IL3: variants seen among roughly 807,000 people sequenced by gnomAD.
IL3 encodes the protein interleukin-3.
A neutral mutation model predicts 15.4 loss-of-function variants in IL3; 15 were observed. That is an observed-to-expected ratio of 0.97 (90% confidence interval 0.65 to 1.50). IL3 has a LOEUF of 1.50. Ranked by LOEUF, IL3 falls within the 40% of genes most tolerant of loss-of-function variation. The pLI is 0.00. For missense variants in IL3, 162 were observed against 192.2 expected (o/e 0.84, Z 0.93); for synonymous variants, 74 against 79.3 (o/e 0.93, Z 0.36).
chr5:132,060,726 T>A lies in IL3; in HGVS notation c.20T>A (p.Leu7Gln). 4 of 1,613,524 alleles carry A rather than the reference T, an allele frequency of 2.5e-6. No individual in the cohort carries two copies. Among genetic ancestry groups the A allele is most frequent in the Non-Finnish European group, 3.4e-6 (4 of 1,180,008 alleles). The part of the protein sequence containing the change: MSRLPV[L>Q]LLLQLLVRPG... ...CCAAACATGAGCCGCCTGCCCGTCC[T>A]GCTCCTGCTCCAACTCCTGGTCCGC... is the stretch of plus-strand genomic sequence containing the variant. Residue 7 changes from leucine to glutamine, a missense_variant, in exon 1 of 5, where the codon CTG becomes CAG. Leu to Gln is a moderately radical substitution (Grantham distance 113, BLOSUM62 -2). Coordinates refer to ENST00000296870, the MANE Select transcript of IL3 (RefSeq NM_000588.4).
rs771055164 is a variant in IL3, at chr5:132,060,865, G to T, written c.159G>T (p.Leu53Phe). Residue 53 changes from leucine (L) to phenylalanine (F), a missense_variant, in exon 1 of 5, where the codon TTG becomes TTT. Leu to Phe is a conservative substitution (Grantham distance 22). Coordinates refer to ENST00000296870, the MANE Select transcript of IL3 (RefSeq NM_000588.4). ...ACTTAAAGCAGCCACCTTTGCCTTT[G>T]CTGGTGAGTAGCTTGGATAAGACTG... is the stretch of plus-strand genomic sequence containing the variant. ...ITHLKQPPLP[L>F]LDFNNLNGED... is the part of the protein sequence containing the mutation. The T allele has an allele frequency of 5.1e-5, 82 of 1,613,884 alleles. No individual in the cohort carries two copies. Among genetic ancestry groups the T allele is most frequent in the Non-Finnish European group, 6.6e-5 (78 of 1,179,848 alleles).
rs1756508810 is a variant in IL3, at chr5:132,062,946, T to C, written c.*155T>C. Reference sequence around the variant, plus strand: ...GCGGCATCAGATGAATTGTTAATTATCTAATTTCTGAAATGTGCAGCTCCC... The same window carrying C: ...GCGGCATCAGATGAATTGTTAATTACCTAATTTCTGAAATGTGCAGCTCCC... On this transcript the variant is annotated 3_prime_UTR_variant, in exon 5 of 5. Transcript: ENST00000296870. The C allele has an allele frequency of 1.9e-6, 2 of 1,053,454 alleles. No homozygotes were observed. The highest frequency in any genetic ancestry group is 5.2e-5 in the East Asian group (2 of 38,398). The allele number at this position is 1,053,454 out of a possible 1,614,324, so 65.3% of individuals were successfully genotyped here. A position where few individuals can be genotyped will look rare whatever the true frequency, so the allele number is the denominator to read the frequency against.
At position 132,062,779 on chromosome 5, in the gene IL3, C is replaced by A; in HGVS notation, c.447C>A (p.Leu149=). The change falls in exon 5 of 5, where the codon CTC becomes CTA. Residue 149 remains leucine, a synonymous_variant. Coordinates refer to ENST00000296870, the MANE Select transcript of IL3 (RefSeq NM_000588.4). The part of the protein sequence containing the change: ...NAQAQQTTLS[L]AIF ...AGGCTCAACAGACGACTTTGAGCCT[C>A]GCGATCTTTTGAGTCCAACGTCCAG... The A allele has an allele frequency of 6.2e-7, 1 of 1,613,358 alleles. No individual in the cohort carries two copies. The highest frequency in any genetic ancestry group is 1.1e-5 in the South Asian group (1 of 91,054).
At chr5:132,061,935 T>G (rs1756486200) in intron 2 of IL3, among the ~76,000 whole-genome samples, 2 of 152,166 alleles carry the variant, frequency 1.3e-5, no homozygotes, top group Non-Finnish European at 2.9e-5. Context: ...CTCCCATTTT[T>G]GTATTTTTAG....
At chr5:132,061,038 AC>A in intron 2 of IL3, 30 bp downstream of exon 2, 1 of 1,610,028 alleles carries the variant, frequency 6.2e-7, no homozygotes, top group Non-Finnish European at 8.5e-7. Flanking sequence ...ATCCCGATCC[AC>A]TTCCTGCCTG....
intron 2 of IL3, 28 bp downstream of exon 2, chr5:132,061,036 C>A: frequency 6.2e-7 from 1 of 1,609,610 alleles, no homozygotes. Flanking sequence ...GGATCCCGAT[C>A]CACTTCCTGC....
chr5:132,062,635 C>A (rs888626974), intron 4 of IL3, 34 bp from the exon 5 acceptor site: 4 of 1,613,354 alleles, frequency 2.5e-6, no homozygotes, highest in African/African-American at 2.7e-5. Flanking sequence ...ACAGCCTGGA[C>A]TCACCTAATG....
chr5:132,062,270 T>C (rs747764097), intron 2 of IL3, 42 bp from the exon 3 acceptor site: 2 of 1,474,986 alleles, frequency 1.4e-6, no homozygotes, highest in East Asian at 2.3e-5. Context: ...GGAGGGATAC[T>C]CTGTAACCTT....
Position 132,060,698 on chromosome 5 carries a change from G to T in IL3, c.-9G>T. The T allele has an allele frequency of 6.2e-7, 1 of 1,612,500 alleles. No individual in the cohort carries two copies. The highest frequency in any genetic ancestry group is 8.5e-7 in the Non-Finnish European group (1 of 1,179,994). ...AGAACAAGACAGAGTGCCTCCTGCCGATCCAAACATGAGCCGCCTGCCCGT... is the reference window on the plus strand; with the variant it reads ...AGAACAAGACAGAGTGCCTCCTGCCTATCCAAACATGAGCCGCCTGCCCGT... On this transcript the variant is annotated 5_prime_UTR_variant, in exon 1 of 5. Transcript: ENST00000296870.
chr5:132,060,902 T>G lies in IL3; in HGVS notation c.162+34T>G, dbSNP rs543587137. The G allele has an allele frequency of 1.1e-4, 170 of 1,610,994 alleles. 3 individuals are homozygous for G. The South Asian group carries it at 1.8e-3, about 17-fold the overall frequency. On this transcript the variant is annotated intron_variant, in intron 1 of 4. Coordinates refer to ENST00000296870, the MANE Select transcript of IL3 (RefSeq NM_000588.4). ...CTTGGATAAGACTGGCCTGCAGCAG[T>G]GAGGGGTGGTGGCTGCCTAAGGCCA... is the stretch of plus-strand genomic sequence containing the variant.
chr5:132,060,881 G>A lies in IL3; in HGVS notation c.162+13G>A. ...TTTGCCTTTGCTGGTGAGTAGCTTGGATAAGACTGGCCTGCAGCAGTGAGG... is the reference window on the plus strand; with the variant it reads ...TTTGCCTTTGCTGGTGAGTAGCTTGAATAAGACTGGCCTGCAGCAGTGAGG... On this transcript the variant is annotated intron_variant, in intron 1 of 4. Coordinates refer to ENST00000296870, the MANE Select transcript of IL3 (RefSeq NM_000588.4). 1 of 1,613,094 alleles carries A rather than the reference G, an allele frequency of 6.2e-7. No individual in the cohort carries two copies. The highest frequency in any genetic ancestry group is 8.5e-7 in the Non-Finnish European group (1 of 1,178,998).
Position 132,062,797 on chromosome 5 carries a change from A to C in IL3, c.*6A>C. 1 of 1,612,270 alleles carries C rather than the reference A, an allele frequency of 6.2e-7. No homozygotes were observed. Among genetic ancestry groups the C allele is most frequent in the Non-Finnish European group, 8.5e-7 (1 of 1,178,596 alleles). Reference sequence around the variant, plus strand: ...TGAGCCTCGCGATCTTTTGAGTCCAACGTCCAGCTCGTTCTCTGGGCCTTC... The same window carrying C: ...TGAGCCTCGCGATCTTTTGAGTCCACCGTCCAGCTCGTTCTCTGGGCCTTC... On this transcript the variant is annotated 3_prime_UTR_variant, in exon 5 of 5. Coordinates refer to ENST00000296870, the MANE Select transcript of IL3 (RefSeq NM_000588.4).
rs1305721098 is a variant in IL3 at position 132,062,772 on chromosome 5, T to G, written c.440T>G (p.Leu147Trp). The G allele has an allele frequency of 1.2e-6, 2 of 1,613,894 alleles. No homozygotes were observed. Among genetic ancestry groups the G allele is most frequent in the Admixed American group, 1.7e-5 (1 of 60,030 alleles). ...AATGCGCAGGCTCAACAGACGACTT[T>G]GAGCCTCGCGATCTTTTGAGTCCAA... The part of the protein sequence containing the change: ...LENAQAQQTT[L>W]SLAIF The change falls in exon 5 of 5, where the codon TTG becomes TGG. Residue 147 changes from leucine (L) to tryptophan (W), a missense_variant. Physicochemically the swap from Leu to Trp is moderately conservative, Grantham distance 61. Transcript: ENST00000296870.
In IL3 at chr5:132,062,712, G is replaced by A. The variant is rs773788934; in HGVS notation, c.380G>A (p.Arg127Gln). ...HIKDGDWNEF[R>Q]RKLTFYLKTL... ...AAGGACGGTGACTGGAATGAATTCC[G>A]GAGGAAACTGACGTTCTATCTGAAA... The change falls in exon 5 of 5, where the codon CGG (arginine) becomes CAG (glutamine). Residue 127 changes from arginine to glutamine, a missense_variant. Transcript: ENST00000296870. The A allele has an allele frequency of 7.4e-6, 12 of 1,614,024 alleles. No individual in the cohort carries two copies. Among genetic ancestry groups the A allele is most frequent in the South Asian group, 2.2e-5 (2 of 91,084 alleles).
In IL3 at chr5:132,063,124, G is replaced by A. The variant is rs1756511413; in HGVS notation, c.*333G>A. ...GCTGCTTCTGCAAAAAACTCAGAGT[G>A]GGGTGGGGAGCATGTTCATTTGTAC... On this transcript the variant is annotated 3_prime_UTR_variant, in exon 5 of 5. Transcript: ENST00000296870. 4.3e-6 allele frequency: 1 copy of A among 233,944 alleles called. No homozygotes were observed. The highest frequency in any genetic ancestry group is 8.4e-6 in the Non-Finnish European group (1 of 119,266). 14.5% of individuals were successfully genotyped at this position (233,944 alleles called of 1,614,324 possible).
rs1027632938 is a variant in IL3 at position 132,063,034 on chromosome 5, A to T, written c.*243A>T. 3 of 462,310 alleles carry T rather than the reference A, an allele frequency of 6.5e-6. No homozygotes were observed. The highest frequency in any genetic ancestry group is 2.0e-5 in the African/African-American group (1 of 51,172). 28.6% of individuals were successfully genotyped at this position (462,310 alleles called of 1,614,324 possible). A position where few individuals can be genotyped will look rare whatever the true frequency, so the allele number is the denominator to read the frequency against. On this transcript the variant is annotated 3_prime_UTR_variant, in exon 5 of 5. Coordinates refer to ENST00000296870, the MANE Select transcript of IL3 (RefSeq NM_000588.4). ...ATTGAGACTATTTATTTATGTATGTATGTATTTATTTATTTATTGCCTGGA... is the reference window on the plus strand; with the variant it reads ...ATTGAGACTATTTATTTATGTATGTTTGTATTTATTTATTTATTGCCTGGA...
chr5:132,062,616 A>G (rs765308836), intron 4 of IL3, 49 bp downstream of exon 4: 1 of 1,613,372 alleles, frequency 6.2e-7, no homozygotes, highest in Non-Finnish European at 8.5e-7. Context: ...TCAGCTGGTC[A>G]TCACCATTAC....
Position 132,062,349 on chromosome 5 carries a change from A to G in IL3, c.242A>G (p.Asn81Ser). ...NLRRPNLEAF[N>S]RAVKSLQNAS... ...CGAAGGCCAAACCTGGAGGCATTCAACAGGGCTGTCAAGAGTTTACAGAAC... is the reference window on the plus strand; with the variant it reads ...CGAAGGCCAAACCTGGAGGCATTCAGCAGGGCTGTCAAGAGTTTACAGAAC... Residue 81 changes from asparagine to serine, a missense_variant, in exon 3 of 5, where the codon AAC becomes AGC. Physicochemically the swap from Asn to Ser is conservative, Grantham distance 46. Transcript: ENST00000296870. 1 of 1,614,232 alleles carries G rather than the reference A, an allele frequency of 6.2e-7. No homozygotes were observed. Among genetic ancestry groups the G allele is most frequent in the South Asian group, 1.1e-5 (1 of 91,086 alleles).
chr5:132,062,272 T>A (rs771444564), intron 2 of IL3, 40 bp from the exon 3 acceptor site: 1 of 1,496,244 alleles, frequency 6.7e-7, no homozygotes, highest in South Asian at 1.1e-5. Flanking sequence ...AGGGATACTC[T>A]GTAACCTTTC....
Sources: gnomAD v4.1 joint callset for allele counts (sites outside exome capture counted in the v4.1 genomes callset) on GRCh38, gnomAD v4.1.1 for gene constraint, MANE v1.5 for transcripts, NCBI Gene and HGNC (gene_info 2026-07-23, HGNC 2026-07-21) for gene names.